The following CSMD1 variants were observed in gnomAD, a reference collection of about 807,000 sequenced individuals.
CSMD1 encodes CUB and sushi domain-containing protein 1.
Under a neutral mutation model 417.5 loss-of-function variants are expected in CSMD1, and 213 were observed. That is an observed-to-expected ratio of 0.51 (90% CI 0.46 to 0.57). CSMD1 has a LOEUF of 0.57. Among genes scored for constraint, CSMD1 ranks in the 20% least tolerant of loss-of-function variants. CSMD1 has a pLI of 0.00. For synonymous variants in CSMD1, 2,862 were observed against 1,736.8 expected, an observed-to-expected ratio of 1.65 and a Z score of -16.11; for missense variants, 6,923 against 4,529.7, an observed-to-expected ratio of 1.53 and a Z score of -15.17.
intron 52 of CSMD1, among the ~76,000 whole-genome samples, chr8:3,009,529 C>G (rs671265): frequency 0.12 from 17,852 of 152,046 alleles, 2,950 homozygotes; most frequent in African/African-American, 0.37. Flanking sequence ...ATGTCAGGTG[C>G]ATCAGATTCA....
At chr8:4,474,539 G>C (rs9657367) in intron 2 of CSMD1, among the ~76,000 whole-genome samples, 63,121 of 152,032 alleles carry the variant, frequency 0.42, 15,255 homozygotes, top group Non-Finnish European at 0.53. Flanking sequence ...CAGATGTCAT[G>C]GGGTTTAGCA....
At chr8:4,819,481 T>C (rs938274820) in intron 1 of CSMD1, among the ~76,000 whole-genome samples, 8 of 152,170 alleles carry the variant, frequency 5.3e-5, no homozygotes, top group African/African-American at 1.7e-4. Flanking sequence ...TCCAACATAA[T>C]ACATATATGC....
At chr8:4,157,737 T>A (rs939427964) in intron 3 of CSMD1, among the ~76,000 whole-genome samples, 9 of 152,212 alleles carry the variant, frequency 5.9e-5, no homozygotes, top group Non-Finnish European at 2.9e-5. Context: ...GTCCTTTTCC[T>A]AGGAGTCAGG....
rs1368555457 is a variant in CSMD1, at chr8:4,279,205, C to T, written c.415+140748G>A. ...TGTCTCTGTAAACGCAGTATACACA[C>T]TAACACACACACACAATTAAGCAGT... On this transcript the variant is annotated intron_variant, in intron 3 of 69. Coordinates refer to ENST00000635120, the MANE Select transcript of CSMD1 (RefSeq NM_033225.6). Among the ~76,000 whole-genome samples the T allele has an allele frequency of 2.0e-5, 3 of 151,462 alleles. No homozygotes were observed. The East Asian group carries it at 5.8e-4, about 29-fold the overall frequency.
chr8:4,408,724 C>G (rs1236778874), intron 3 of CSMD1, among the ~76,000 whole-genome samples: 1 of 152,068 alleles, frequency 6.6e-6, no homozygotes, highest in African/African-American at 2.4e-5. Context: ...AGAATATGAA[C>G]CTTGTAGAGG....
At chr8:3,815,767 T>G (rs916299621) in intron 5 of CSMD1, among the ~76,000 whole-genome samples, 1 of 152,118 alleles carries the variant, frequency 6.6e-6, no homozygotes, top group African/African-American at 2.4e-5. Context: ...AAAACCACAT[T>G]GTTCATTTGA....
chr8:4,195,001 C>T (rs1799247665), intron 3 of CSMD1, among the ~76,000 whole-genome samples: 1 of 151,766 alleles, frequency 6.6e-6, no homozygotes, highest in Non-Finnish European at 1.5e-5. Flanking sequence ...TGGGAATTTT[C>T]CATCTCTTCA....
intron 4 of CSMD1, among the ~76,000 whole-genome samples, chr8:4,014,375 G>A (rs1284315714): frequency 6.6e-6 from 1 of 152,118 alleles, no homozygotes; most frequent in Admixed American, 6.5e-5. Context: ...ATCAAATTAT[G>A]TCAATGCACA....
At chr8:3,166,318 G>A (rs908766647) in intron 37 of CSMD1, among the ~76,000 whole-genome samples, 15 of 152,048 alleles carry the variant, frequency 9.9e-5, no homozygotes, top group African/African-American at 3.6e-4. Context: ...ATCACCTGAG[G>A]TCAGGTGTTC....
At chr8:3,655,392 T>C (rs984796745) in intron 7 of CSMD1, among the ~76,000 whole-genome samples, 1 of 152,250 alleles carries the variant, frequency 6.6e-6, no homozygotes, top group Admixed American at 6.5e-5. Flanking sequence ...ACTATTACTC[T>C]AGTCACAGTA....
chr8:4,644,550 G>T (rs1056507332), intron 1 of CSMD1, among the ~76,000 whole-genome samples: 2 of 152,108 alleles, frequency 1.3e-5, no homozygotes, highest in Admixed American at 6.5e-5. Flanking sequence ...GGGATTACAG[G>T]CACGCGCCAC....
intron 1 of CSMD1, among the ~76,000 whole-genome samples, chr8:4,650,575 C>T (rs1048330498): frequency 7.9e-5 from 12 of 151,894 alleles, no homozygotes; most frequent in East Asian, 3.9e-4. Flanking sequence ...GACATTGAAA[C>T]TCCACGGAGA....
chr8:3,339,921 C>G (rs2589293), intron 23 of CSMD1, among the ~76,000 whole-genome samples: 149,891 of 152,318 alleles, frequency 0.98, 73,809 homozygotes, highest in Middle Eastern at 1. Context: ...GCAGTGTTTT[C>G]TAACGAAGGT....
At chr8:4,269,222 A>G (rs1472959816) in intron 3 of CSMD1, among the ~76,000 whole-genome samples, 2 of 151,990 alleles carry the variant, frequency 1.3e-5, no homozygotes, top group East Asian at 1.9e-4. Context: ...ACACCCGGCT[A>G]ATTTTTGTAT....
intron 3 of CSMD1, among the ~76,000 whole-genome samples, chr8:4,036,360 C>G (rs138595870): frequency 6.6e-6 from 1 of 152,082 alleles, no homozygotes; most frequent in African/African-American, 2.4e-5. Flanking sequence ...AAAATTGTTA[C>G]CATGGTACTG....
chr8:3,826,276 C>T (rs995651264), intron 5 of CSMD1, among the ~76,000 whole-genome samples: 28 of 152,044 alleles, frequency 1.8e-4, no homozygotes, highest in African/African-American at 3.6e-4. Context: ...CCCAAAAATA[C>T]CACCCAGGGT....
intron 3 of CSMD1, among the ~76,000 whole-genome samples, chr8:4,177,733 A>C (rs1394391167): frequency 2.0e-5 from 3 of 150,782 alleles, no homozygotes; most frequent in African/African-American, 7.3e-5. Flanking sequence ...TGCAATAAAA[A>C]ATGATAAAGG....
intron 2 of CSMD1, among the ~76,000 whole-genome samples, chr8:4,606,286 G>A (rs1458107656): frequency 6.6e-6 from 1 of 152,050 alleles, no homozygotes; most frequent in Non-Finnish European, 1.5e-5. Flanking sequence ...ACAAGGGACT[G>A]TGACTTAGAG....
At chr8:3,086,430 T>C (rs1231898235) in intron 49 of CSMD1, among the ~76,000 whole-genome samples, 1 of 152,042 alleles carries the variant, frequency 6.6e-6, no homozygotes, top group African/African-American at 2.4e-5. Flanking sequence ...TAATATCTAA[T>C]GAAACTGACA....
Sources: allele counts gnomAD v4.1 joint callset (sites outside exome capture counted in the v4.1 genomes callset), GRCh38; gene constraint gnomAD v4.1.1; transcripts MANE v1.5; gene names NCBI Gene and HGNC (gene_info 2026-07-23, HGNC 2026-07-21).